SNX29: variants seen among roughly 807,000 people sequenced by gnomAD.
SNX29 encodes sorting nexin-29.
In SNX29, 78 loss-of-function variants were observed where a neutral mutation model predicts 102.1. The ratio of observed to expected loss-of-function variants is 0.76; its 90% CI spans 0.64 to 0.92. The LOEUF (loss-of-function observed/expected upper bound fraction) is 0.92, where lower values mean the gene tolerates loss of function less well. SNX29 is among the 40% of genes least tolerant of loss of function. SNX29 has a pLI of 0.00. For synonymous variants in SNX29, 580 were observed against 414.5 expected, an observed-to-expected ratio of 1.40 and a Z score of -4.85; for missense variants, 1,280 against 1,061.7, an observed-to-expected ratio of 1.21 and a Z score of -2.86.
intron 17 of SNX29, 118 bp downstream of exon 17, chr16:12,398,619 G>T (rs1386842029): frequency 1.7e-6 from 2 of 1,175,030 alleles, no homozygotes; most frequent in Non-Finnish European, 2.5e-6. Flanking sequence ...ACACAAGGTT[G>T]ATGTGGTTCT....
chr16:12,247,817 C>T (rs1289632875), intron 14 of SNX29, among the ~76,000 whole-genome samples: 1 of 152,150 alleles, frequency 6.6e-6, no homozygotes, highest in Admixed American at 6.5e-5. Flanking sequence ...AAAAGTAAAC[C>T]AGTTATGACC....
At chr16:12,158,752 C>T (rs992932418) in intron 13 of SNX29, among the ~76,000 whole-genome samples, 2 of 152,310 alleles carry the variant, frequency 1.3e-5, no homozygotes, top group South Asian at 4.1e-4. Flanking sequence ...CATTTCCTGC[C>T]GTGTGACCTC....
chr16:12,539,289 C>A (rs1044194248), intron 20 of SNX29, among the ~76,000 whole-genome samples: 3 of 152,014 alleles, frequency 2.0e-5, no homozygotes, highest in Non-Finnish European at 4.4e-5. Flanking sequence ...CCCTCCCCCA[C>A]CTCTAAGCCC....
chr16:12,570,355 T>C lies in SNX29; in HGVS notation c.*1726T>C. 2 of 534,578 alleles carry C rather than the reference T, an allele frequency of 3.7e-6. No homozygotes were observed. Among genetic ancestry groups the C allele is most frequent in the South Asian group, 8.5e-5 (1 of 11,698 alleles). The allele number at this position is 534,578 out of a possible 1,614,324, so 33.1% of individuals were successfully genotyped here. A position where few individuals can be genotyped will look rare whatever the true frequency, so the allele number is the denominator to read the frequency against. ...TCTCCCTCCCACTCACCTGCCAACA[T>C]TGCTGCAATACACATGGTTTATCTG... On this transcript the variant is annotated 3_prime_UTR_variant, in exon 21 of 21. Coordinates refer to ENST00000566228, the MANE Select transcript of SNX29 (RefSeq NM_032167.5).
chr16:12,088,886 G>C (rs1470728957), intron 11 of SNX29, among the ~76,000 whole-genome samples: 2 of 152,058 alleles, frequency 1.3e-5, no homozygotes, highest in African/African-American at 2.4e-5. Context: ...TCAGGAGTTC[G>C]AGACCAGCCT....
At chr16:12,415,075 C>T (rs2084571210) in intron 18 of SNX29, among the ~76,000 whole-genome samples, 1 of 152,218 alleles carries the variant, frequency 6.6e-6, no homozygotes, top group African/African-American at 2.4e-5. Flanking sequence ...GCTAAGGGCT[C>T]CATGGCAGGC....
intron 10 of SNX29, 82 bp downstream of exon 10, chr16:12,069,214 G>A: frequency 1.7e-6 from 2 of 1,177,304 alleles, no homozygotes; most frequent in Non-Finnish European, 2.5e-6. Context: ...TTAAAGATAG[G>A]AGTGCACCTG....
intron 20 of SNX29, among the ~76,000 whole-genome samples, chr16:12,568,190 A>G (rs1291100896): frequency 1.3e-5 from 2 of 152,010 alleles, no homozygotes; most frequent in African/African-American, 4.8e-5. Flanking sequence ...AAATGTGGGG[A>G]AGAAAGCTGT....
At chr16:12,163,337 TG>T (rs943260859) in intron 13 of SNX29, among the ~76,000 whole-genome samples, 2 of 151,750 alleles carry the variant, frequency 1.3e-5, no homozygotes, top group African/African-American at 4.8e-5. Flanking sequence ...GTGGGTGAGG[TG>T]GGGTAGCAGG....
chr16:12,533,491 C>T (rs1347774704), intron 20 of SNX29, among the ~76,000 whole-genome samples: 2 of 152,212 alleles, frequency 1.3e-5, no homozygotes, highest in Admixed American at 6.5e-5. Context: ...GGTTCCTGGA[C>T]AGACTTGTCA....
At chr16:12,502,139 A>G (rs976508647) in intron 19 of SNX29, among the ~76,000 whole-genome samples, 1 of 152,138 alleles carries the variant, frequency 6.6e-6, no homozygotes, top group African/African-American at 2.4e-5. Flanking sequence ...GATGTGCGAG[A>G]CTTGGAAGTG....
At chr16:12,532,714 G>C (rs1005383868) in intron 20 of SNX29, among the ~76,000 whole-genome samples, 3 of 152,222 alleles carry the variant, frequency 2.0e-5, no homozygotes, top group African/African-American at 7.2e-5. Flanking sequence ...CAGGGAAAGA[G>C]AGGGCAGGAA....
chr16:12,015,706 T>C (rs1036098110), intron 3 of SNX29, among the ~76,000 whole-genome samples: 8 of 147,008 alleles, frequency 5.4e-5, no homozygotes, highest in Non-Finnish European at 1.0e-4. Context: ...CGGCTAACTT[T>C]TTGTATTTTT....
chr16:12,223,955 C>T (rs1428197085), intron 14 of SNX29, among the ~76,000 whole-genome samples: 1 of 152,152 alleles, frequency 6.6e-6, no homozygotes, highest in Non-Finnish European at 1.5e-5. Flanking sequence ...AGGGGTTCAG[C>T]AGCTCATTGA....
At position 12,467,611 on chromosome 16, in the gene SNX29, T is replaced by TGTTCGTTC. The variant is rs1404614273; in HGVS notation, c.2038-10104_2038-10097dup. On this transcript the variant is annotated intron_variant, in intron 18 of 20. Coordinates refer to ENST00000566228, the MANE Select transcript of SNX29 (RefSeq NM_032167.5). ...CTGTTCGTTCATTCGTTTGTTCGTTTGTTCGTTCGTTAGTTCGTTCGTTCG... is the reference window on the plus strand; with the variant it reads ...CTGTTCGTTCATTCGTTTGTTCGTTTGTTCGTTCGTTCGTTCGTTAGTTCGTTCGTTCG... 8.8e-5 allele frequency among the ~76,000 whole-genome samples: 12 copies of TGTTCGTTC among 136,646 alleles called. No individual in the cohort carries two copies. The South Asian group carries it at 9.1e-4, about 10-fold the overall frequency. 89.6% of individuals were successfully genotyped at this position (136,646 alleles called of 152,430 possible). A position where few individuals can be genotyped will look rare whatever the true frequency, so the allele number is the denominator to read the frequency against.
At chr16:11,978,924 C>G (rs545375013) in intron 1 of SNX29, among the ~76,000 whole-genome samples, 71 of 151,384 alleles carry the variant, frequency 4.7e-4, no homozygotes, top group Non-Finnish European at 8.5e-4. Context: ...GACTTCGTCT[C>G]AAAACAAACA....
At chr16:12,355,104 T>C (rs1036042077) in intron 15 of SNX29, among the ~76,000 whole-genome samples, 20 of 152,310 alleles carry the variant, frequency 1.3e-4, no homozygotes, top group South Asian at 6.2e-4. Context: ...ATAAAGGGTC[T>C]AAGTGGCTTC....
At chr16:12,431,877 T>A (rs899012422) in intron 18 of SNX29, among the ~76,000 whole-genome samples, 2 of 152,252 alleles carry the variant, frequency 1.3e-5, no homozygotes, top group South Asian at 2.1e-4. Flanking sequence ...TCATTCATTC[T>A]TTCTTTCAGC....
At chr16:12,467,718 G>T (rs2087126445) in intron 18 of SNX29, among the ~76,000 whole-genome samples, 1 of 151,914 alleles carries the variant, frequency 6.6e-6, no homozygotes, top group Non-Finnish European at 1.5e-5. Context: ...AATATATACT[G>T]AGTGTTTCTT....
Sources: gnomAD v4.1 joint callset for allele counts (sites outside exome capture counted in the v4.1 genomes callset) on GRCh38, gnomAD v4.1.1 for gene constraint, MANE v1.5 for transcripts, NCBI Gene and HGNC (gene_info 2026-07-23, HGNC 2026-07-21) for gene names.